Variants in CLECL1 observed in about 807,000 individuals in gnomAD.
The protein encoded by CLECL1 is C-type lectin-like domain family 1.
chr12:9,713,375 C>A (rs146678714), downstream of CLECL1, among the ~76,000 whole-genome samples: 1,116 of 152,312 alleles, frequency 7.3e-3, 7 homozygotes, highest in African/African-American at 0.025. Context: ...TCCTATAGTT[C>A]TTTTTAGTGC....
At chr12:9,730,113 T>C (rs1866429001) in intron 1 of CLECL1, among the ~76,000 whole-genome samples, 1 of 152,148 alleles carries the variant, frequency 6.6e-6, no homozygotes, top group Admixed American at 6.5e-5. Context: ...ATAAAAGAAA[T>C]GTTAGAGATT....
At chr12:9,733,379 T>C, upstream of CLECL1, 2 of 658,868 alleles carry the variant, frequency 3.0e-6, no homozygotes, top group Non-Finnish European at 2.6e-6. Context: ...CTTCCTCTTT[T>C]AGTTCAGGCA....
chr12:9,717,386 C>A (rs1427603952), intron 2 of CLECL1, among the ~76,000 whole-genome samples: 1 of 152,208 alleles, frequency 6.6e-6, no homozygotes, highest in Non-Finnish European at 1.5e-5. Context: ...GGTTTTCCCC[C>A]AGTGCTAACG....
chr12:9,716,397 C>G (rs1225001699), exon 3 of CLECL1: 1 of 156,558 alleles, frequency 6.4e-6, no homozygotes, highest in African/African-American at 2.4e-5. Flanking sequence ...CTGCTATCAC[C>G]AATCACTCTT....
chr12:9,730,134 A>C (rs936309001), intron 1 of CLECL1, among the ~76,000 whole-genome samples: 3 of 152,228 alleles, frequency 2.0e-5, no homozygotes, highest in Non-Finnish European at 4.4e-5. Flanking sequence ...ATTTTAACGC[A>C]ATACCCACGT....
At chr12:9,722,479 A>AC (rs910169664), downstream of CLECL1, 26 of 1,326,574 alleles carry the variant, frequency 2.0e-5, no homozygotes, top group African/African-American at 3.0e-5. Context: ...AAAAAAAAAA[A>AC]CCTCAAAGGT....
downstream of CLECL1, among the ~76,000 whole-genome samples, chr12:9,712,731 T>C (rs1373279669): frequency 1.3e-5 from 2 of 152,202 alleles, no homozygotes; most frequent in Non-Finnish European, 2.9e-5. Flanking sequence ...CTTTTATTCC[T>C]AGGCTTCCAA....
intron 3 of CLECL1, among the ~76,000 whole-genome samples, chr12:9,723,855 GATTTAA>G (rs763879232): frequency 1.5e-4 from 23 of 152,218 alleles, no homozygotes; most frequent in Admixed American, 2.6e-4. Context: ...CAAAGATAGA[GATTTAA>G]ATTTAAGTCC....
chr12:9,710,432 C>T, the CLECL1 span, among the ~76,000 whole-genome samples: 9 of 152,130 alleles, frequency 5.9e-5, no homozygotes, highest in Admixed American at 5.9e-4. Context: ...TACACCTCTT[C>T]AGAGAGGGGA....
At chr12:9,705,156 G>T in the CLECL1 span, among the ~76,000 whole-genome samples, 1 of 152,152 alleles carries the variant, frequency 6.6e-6, no homozygotes, top group African/African-American at 2.4e-5. Flanking sequence ...TTTCTCTAAT[G>T]ATCAGTGATA....
intron 3 of CLECL1, among the ~76,000 whole-genome samples, chr12:9,724,149 A>C: frequency 6.6e-6 from 1 of 150,610 alleles, no homozygotes. Flanking sequence ...ATCATGTCAC[A>C]CTGCACTCCA....
chr12:9,732,541 A>G (rs1866459708), intron 1 of CLECL1, among the ~76,000 whole-genome samples: 1 of 152,256 alleles, frequency 6.6e-6, no homozygotes, highest in Non-Finnish European at 1.5e-5. Context: ...AAAAGAATAA[A>G]TAACAATATG....
downstream of CLECL1, among the ~76,000 whole-genome samples, chr12:9,715,651 A>AGTTTTGGG (rs1406606285): frequency 6.6e-6 from 1 of 152,042 alleles, no homozygotes; most frequent in African/African-American, 2.4e-5. Context: ...TCATTCACAA[A>AGTTTTGGG]TTTTTGGGTT....
chr12:9,720,632 C>T (rs931958806), downstream of CLECL1, among the ~76,000 whole-genome samples: 3 of 152,098 alleles, frequency 2.0e-5, no homozygotes, highest in Admixed American at 6.6e-5. Context: ...TGAGCCACCG[C>T]GCCCAGCCGC....
At chr12:9,728,326 T>C (rs935509130) in intron 2 of CLECL1, among the ~76,000 whole-genome samples, 1 of 151,860 alleles carries the variant, frequency 6.6e-6, no homozygotes, top group African/African-American at 2.4e-5. Flanking sequence ...TGCCAGGCAT[T>C]AACACAAGAT....
downstream of CLECL1, among the ~76,000 whole-genome samples, chr12:9,720,142 G>A (rs1866291403): frequency 6.6e-6 from 1 of 152,118 alleles, no homozygotes; most frequent in South Asian, 2.1e-4. Context: ...CGTTGGTCCA[G>A]TGTGTATTCC....
rs529344659 is a variant in CLECL1 at position 9,731,573 on chromosome 12, G to A, written n.82+1376C>T. 8.5e-5 allele frequency among the ~76,000 whole-genome samples: 13 copies of A among 152,300 alleles called. No homozygotes were observed. In the South Asian group the frequency reaches 2.1e-3, roughly 24 times the overall value. On this transcript the variant is annotated intron_variant and non_coding_transcript_variant, in intron 1 of 3. Coordinates refer to ENST00000621400, the Ensembl canonical transcript of CLECL1. Reference sequence around the variant, plus strand: ...TCCAACAGCTCTTTCGCTTGATGGCGAAGTGACGCATGAGAACAAAAGTTG... The same window carrying A: ...TCCAACAGCTCTTTCGCTTGATGGCAAAGTGACGCATGAGAACAAAAGTTG...
exon 3 of CLECL1, chr12:9,716,677 G>T: frequency 1.4e-6 from 1 of 712,796 alleles, no homozygotes; most frequent in Non-Finnish European, 1.9e-6. Context: ...CTCTTCCTAA[G>T]AAGACCCCAG....
At chr12:9,728,019 T>C (rs747889556) in intron 2 of CLECL1, among the ~76,000 whole-genome samples, 32 of 152,016 alleles carry the variant, frequency 2.1e-4, no homozygotes, top group African/African-American at 7.7e-4. Flanking sequence ...AGTGAGTTCC[T>C]ATTAATTATA....
Sources: gnomAD v4.1 joint callset for allele counts (sites outside exome capture counted in the v4.1 genomes callset) on GRCh38, gnomAD v4.1.1 for gene constraint, MANE v1.5 for transcripts, NCBI Gene and HGNC (gene_info 2026-07-23, HGNC 2026-07-21) for gene names.